The following CC2D2B variants were observed in gnomAD, a reference collection of about 807,000 sequenced individuals.
The protein encoded by CC2D2B is coiled-coil and C2 domain containing 2B.
In CC2D2B, 128 loss-of-function variants were observed where a neutral mutation model predicts 161.2. The observed-to-expected ratio is 0.79, with a 90% CI of 0.69 to 0.92. The LOEUF (loss-of-function observed/expected upper bound fraction) is 0.92, where lower values mean the gene tolerates loss of function less well. Ranked by LOEUF, CC2D2B falls within the 40% of genes least tolerant of loss-of-function variation. The probability of loss-of-function intolerance (pLI) is 0.00; values close to 1 mark genes in which losing one functional copy is unlikely to be tolerated. For missense variants in CC2D2B, 1,173 were observed against 1,375.1 expected (o/e 0.85, Z 2.32); for synonymous variants, 391 against 449.8 (o/e 0.87, Z 1.65).
intron 2 of CC2D2B, chr10:95,921,403 G>A (rs1260658932): frequency 6.6e-6 from 1 of 152,180 alleles, no homozygotes; most frequent in Non-Finnish European, 1.5e-5. Flanking sequence ...AGGTGGTATA[G>A]GCAATTCAAG....
chr10:96,014,512 T>G (rs1267365695), intron 29 of CC2D2B, among the ~76,000 whole-genome samples: 3 of 152,180 alleles, frequency 2.0e-5, no homozygotes, highest in African/African-American at 7.2e-5. Context: ...TGATTCAGTT[T>G]TACAAGAAAA....
At chr10:96,023,007 T>C (rs1279795087) in intron 32 of CC2D2B, among the ~76,000 whole-genome samples, 1 of 152,138 alleles carries the variant, frequency 6.6e-6, no homozygotes, top group African/African-American at 2.4e-5. Context: ...AGACCTTTAG[T>C]GACAAGGAGA....
In CC2D2B at chr10:95,938,052, C is replaced by G; in HGVS notation, c.398C>G (p.Ala133Gly). The G allele has an allele frequency of 6.4e-7, 1 of 1,550,720 alleles. No homozygotes were observed. Residue 133 changes from alanine to glycine, a missense_variant, in exon 7 of 35, where the codon GCT (alanine) becomes GGT (glycine). Ala to Gly is a moderately conservative substitution (Grantham distance 60, BLOSUM62 0). Coordinates refer to ENST00000646931, the MANE Select transcript of CC2D2B (RefSeq NM_001349008.3). ...CTTGGTGTTAATTTACAAAATGTTG[C>G]TGAGAGTGAAGAGGAAGAGTTTATG... ...FSLGVNLQNV[A>G]ESEEEEFMKE... is the part of the protein sequence containing the mutation.
chr10:95,994,453 A>G (rs1332416512), intron 22 of CC2D2B, among the ~76,000 whole-genome samples: 1 of 152,232 alleles, frequency 6.6e-6, no homozygotes, highest in African/African-American at 2.4e-5. Context: ...GAGCGTGACC[A>G]TTGAAGCACA....
At chr10:95,991,903 G>A (rs1486946337) in intron 21 of CC2D2B, among the ~76,000 whole-genome samples, 1 of 152,146 alleles carries the variant, frequency 6.6e-6, no homozygotes, top group African/African-American at 2.4e-5. Context: ...TTGGGGGAGC[G>A]TTTGCTGAAG....
intron 24 of CC2D2B, chr10:95,999,745 CTTTTTTTTTTT>C: frequency 5.7e-6 from 1 of 174,954 alleles, no homozygotes; most frequent in Non-Finnish European, 1.1e-5. Context: ...GTCCAGAGGT[CTTTTTTTTTTT>C]TTTTTTTTTA....
Position 96,033,133 on chromosome 10 carries a change from T to TC in CC2D2B, c.*1126dup, listed in dbSNP as rs1230978988. Among the ~76,000 whole-genome samples the TC allele has an allele frequency of 8.5e-5, 13 of 152,148 alleles. No individual in the cohort carries two copies. Among genetic ancestry groups the TC allele is most frequent in the African/African-American group, 2.7e-4 (11 of 41,424 alleles). On this transcript the variant is annotated 3_prime_UTR_variant, in exon 35 of 35. Coordinates refer to ENST00000646931, the MANE Select transcript of CC2D2B (RefSeq NM_001349008.3). ...GTATGAGGTAAAGATAAAAGAACAT[T>TC]CACCTCTCCCATTGAAGAACCACTG...
At chr10:96,009,568 G>C (rs2078897346) in intron 25 of CC2D2B, among the ~76,000 whole-genome samples, 1 of 152,048 alleles carries the variant, frequency 6.6e-6, no homozygotes, top group African/African-American at 2.4e-5. Context: ...TCCTTGCATT[G>C]TGCTAGTGTT....
At chr10:95,993,804 G>T (rs1310376145) in intron 22 of CC2D2B, among the ~76,000 whole-genome samples, 10 of 134,242 alleles carry the variant, frequency 7.4e-5, no homozygotes, top group Non-Finnish European at 1.3e-4. Context: ...TAGAGAGAGA[G>T]AATATATATA....
At chr10:96,031,492 T>A (rs541993275) in intron 34 of CC2D2B, among the ~76,000 whole-genome samples, 14 of 152,172 alleles carry the variant, frequency 9.2e-5, no homozygotes, top group Admixed American at 6.5e-5. Context: ...ATCCCCCATA[T>A]GTAGAATCAA....
chr10:96,026,047 C>A (rs1003092555), intron 33 of CC2D2B, among the ~76,000 whole-genome samples: 1 of 152,082 alleles, frequency 6.6e-6, no homozygotes. Flanking sequence ...TATGAGCATC[C>A]CTGGATCAAT....
At chr10:95,984,626 T>C (rs4488132) in intron 19 of CC2D2B, 116,857 of 152,088 alleles carry the variant, frequency 0.77, 46,167 homozygotes, top group East Asian at 0.96. Flanking sequence ...CCTGTAATCT[T>C]GGCACTCTGG....
chr10:95,967,639 T>A (rs965057139), intron 14 of CC2D2B, among the ~76,000 whole-genome samples: 5 of 152,304 alleles, frequency 3.3e-5, no homozygotes, highest in East Asian at 3.9e-4. Context: ...AACAAATTTT[T>A]AAAATCAATT....
intron 25 of CC2D2B, 129 bp downstream of exon 25, chr10:96,004,377 T>C (rs2078658251): frequency 1.8e-6 from 1 of 564,102 alleles, no homozygotes; most frequent in Non-Finnish European, 3.1e-6. Flanking sequence ...TTGAAAGGAT[T>C]TGAGGCAATT....
intron 3 of CC2D2B, among the ~76,000 whole-genome samples, chr10:95,923,045 C>T (rs540533258): frequency 5.5e-4 from 83 of 152,160 alleles, no homozygotes; most frequent in African/African-American, 1.8e-3. Context: ...CTCCACCTCC[C>T]GGGTTCAAGC....
At position 96,027,193 on chromosome 10, in the gene CC2D2B, C is replaced by T; in HGVS notation, c.3948-19C>T. On this transcript the variant is annotated intron_variant, in intron 33 of 34. Transcript: ENST00000646931. ...GAGTTATAACTTGTCATAAAATTAC[C>T]TTTGGATTCTTACCTTAGGATCGAA... 3 of 1,471,880 alleles carry T rather than the reference C, an allele frequency of 2.0e-6. No individual in the cohort carries two copies. The highest frequency in any genetic ancestry group is 1.4e-5 in the South Asian group (1 of 73,226). The allele number at this position is 1,471,880 out of a possible 1,614,324, so 91.2% of individuals were successfully genotyped here.
intron 33 of CC2D2B, among the ~76,000 whole-genome samples, chr10:96,025,185 A>T (rs2079682922): frequency 2.5e-4 from 4 of 16,278 alleles, no homozygotes; most frequent in Non-Finnish European, 3.8e-4. Context: ...ATATATATAT[A>T]AAAAAAAATA....
chr10:95,982,645 T>C (rs1334844278), intron 18 of CC2D2B, among the ~76,000 whole-genome samples: 1 of 152,228 alleles, frequency 6.6e-6, no homozygotes, highest in African/African-American at 2.4e-5. Context: ...CCTGGTAACC[T>C]CAGTTAGGCA....
Position 96,016,283 on chromosome 10 carries a change from C to T in CC2D2B, c.3599C>T (p.Ala1200Val). 6.2e-7 allele frequency: 1 copy of T among 1,612,044 alleles called. No homozygotes were observed. The highest frequency in any genetic ancestry group is 8.5e-7 in the Non-Finnish European group (1 of 1,178,302). Residue 1200 changes from alanine to valine, a missense_variant, in exon 30 of 35, where the codon GCA becomes GTA. This residue lies in a region of CC2D2B where 598 missense variants were observed against 693.2 expected (regional missense o/e 0.86). Transcript: ENST00000646931. The part of the protein sequence containing the change: ...CNFFLYFGKK[A>V]LVLLGTSVLE... ...TTCTTTCTGTATTTTGGAAAGAAGG[C>T]ACTGGTCCTCTTGGGAACGTCAGTG...
Sources: gnomAD v4.1 joint callset for allele counts (sites outside exome capture counted in the v4.1 genomes callset) on GRCh38, gnomAD v4.1.1 for gene constraint, gnomAD v4.1.1 regional missense constraint, MANE v1.5 for transcripts, NCBI Gene and HGNC (gene_info 2026-07-23, HGNC 2026-07-21) for gene names.